IL2RA: variants seen among roughly 807,000 people sequenced by gnomAD.
The protein encoded by IL2RA is interleukin-2 receptor subunit alpha.
In IL2RA, 24 loss-of-function variants were observed where a neutral mutation model predicts 37.8. The ratio of observed to expected loss-of-function variants is 0.63; its 90% CI spans 0.46 to 0.89. The LOEUF (loss-of-function observed/expected upper bound fraction) is 0.89. Among genes scored for constraint, IL2RA ranks in the 40% least tolerant of loss-of-function variants. The pLI is 0.00. For synonymous variants in IL2RA, 125 were observed against 114.6 expected (o/e 1.09, Z -0.58); for missense variants, 319 against 348.6 (o/e 0.92, Z 0.68).
intron 1 of IL2RA, among the ~76,000 whole-genome samples, chr10:6,041,683 G>A (rs1839774517): frequency 6.6e-6 from 1 of 152,128 alleles, no homozygotes; most frequent in Non-Finnish European, 1.5e-5. Context: ...CCAAAGTCCT[G>A]CACAAGGTCT....
chr10:6,042,431 G>A (rs910021871), intron 1 of IL2RA, among the ~76,000 whole-genome samples: 1 of 151,962 alleles, frequency 6.6e-6, no homozygotes, highest in East Asian at 1.9e-4. Flanking sequence ...TAACATGTAC[G>A]TGATACCTTA....
At position 6,044,621 on chromosome 10, in the gene IL2RA, C is replaced by T. The variant is rs367961564; in HGVS notation, c.64+17467G>A. On this transcript the variant is annotated intron_variant, in intron 1 of 7. Coordinates refer to ENST00000379959, the MANE Select transcript of IL2RA (RefSeq NM_000417.3). The surrounding 1 kb of genome is among the most constrained non-coding windows in gnomAD (Gnocchi z 4.5). ...GTTTTTGCTAGTCCTCAATTTTGTC[C>T]GATGTCTGAGCCCTGCCTCGGGGGT... 6.0e-4 allele frequency among the ~76,000 whole-genome samples: 92 copies of T among 152,246 alleles called. No individual in the cohort carries two copies. Among genetic ancestry groups the T allele is most frequent in the Admixed American group, 1.8e-3 (27 of 15,294 alleles).
At position 6,012,702 on chromosome 10, in the gene IL2RA, G is replaced by A; in HGVS notation, c.*170C>T. 1 of 710,462 alleles carries A rather than the reference G, an allele frequency of 1.4e-6. No individual in the cohort carries two copies. Among genetic ancestry groups the A allele is most frequent in the Non-Finnish European group, 2.6e-6 (1 of 389,278 alleles). The allele number at this position is 710,462 out of a possible 1,614,324, so 44.0% of individuals were successfully genotyped here. On this transcript the variant is annotated 3_prime_UTR_variant, in exon 8 of 8. Transcript: ENST00000379959. This position sits in a 1 kb window ranked among gnomAD's most constrained non-coding sequence, Gnocchi z 4.8. The stretch of plus-strand genomic sequence containing the variant: ...GGGACTGAGCTGGCATAGAGACAAG[G>A]TTGCCACTGCCCCGTGTCCTGTGAT...
rs1040370568 is a variant in IL2RA, at chr10:6,025,697, G to A, written c.256+137C>T. 14 of 835,990 alleles carry A rather than the reference G, an allele frequency of 1.7e-5. No homozygotes were observed. Among genetic ancestry groups the A allele is most frequent in the Admixed American group, 6.4e-5 (3 of 46,616 alleles). The allele number at this position is 835,990 out of a possible 1,614,324, so 51.8% of individuals were successfully genotyped here. A position where few individuals can be genotyped will look rare whatever the true frequency, so the allele number is the denominator to read the frequency against. On this transcript the variant is annotated intron_variant, in intron 2 of 7. Transcript: ENST00000379959. This position sits in a 1 kb window ranked among gnomAD's most constrained non-coding sequence, Gnocchi z 4.4. The stretch of plus-strand genomic sequence containing the variant: ...ATTGTGTTTAGTGAATGACTTTTCA[G>A]GAACCACTAAAATTAGTTATCCTGT...
chr10:6,053,259 C>A lies in IL2RA; in HGVS notation c.64+8829G>T, dbSNP rs138628845. On this transcript the variant is annotated intron_variant, in intron 1 of 7. Transcript: ENST00000379959. ...TCCTCGTTGGGCTACATCAGGCAACCCATTTAATCTCTGTAAGCCCATTTA... is the reference window on the plus strand; with the variant it reads ...TCCTCGTTGGGCTACATCAGGCAACACATTTAATCTCTGTAAGCCCATTTA... Among the ~76,000 whole-genome samples, 96 of 152,304 alleles carry A rather than the reference C, an allele frequency of 6.3e-4. 2 individuals carry two copies. The highest frequency in any genetic ancestry group is 1.8e-3 in the African/African-American group (73 of 41,574).
rs1840085186 is a variant in IL2RA, at chr10:6,058,812, T to C, written c.64+3276A>G. Among the ~76,000 whole-genome samples the C allele has an allele frequency of 6.6e-6, 1 of 152,190 alleles. No homozygotes were observed. Among genetic ancestry groups the C allele is most frequent in the African/African-American group, 2.4e-5 (1 of 41,440 alleles). On this transcript the variant is annotated intron_variant, in intron 1 of 7. Transcript: ENST00000379959. The surrounding 1 kb of genome is among the most constrained non-coding windows in gnomAD (Gnocchi z 4.2). ...GAAAGGTGCCTTCAATAACGTGCCA[T>C]ATTGGTAATACCAGGAGAATTCTCT...
chr10:6,019,849 A>G (rs1311568623), intron 5 of IL2RA, 21 bp downstream of exon 5: 1 of 1,611,942 alleles, frequency 6.2e-7, no homozygotes, highest in Non-Finnish European at 8.5e-7. Context: ...TCTGTGGTCC[A>G]GCGTTTGTCT....
rs2132853623 is a variant in IL2RA, at chr10:6,021,536, T to C, written c.525A>G (p.Thr175=). ...ESVCKMTHGK[T]RWTQPQLICT... ...ATATGAGCTGGGGCTGGGTCCACCT[T>C]GTCTTCCCGTGGGTCATTTTGCAGA... Residue 175 remains threonine, a synonymous_variant, in exon 4 of 8, where the codon ACA becomes ACG. Coordinates refer to ENST00000379959, the MANE Select transcript of IL2RA (RefSeq NM_000417.3). This position sits in a 1 kb window ranked among gnomAD's most constrained non-coding sequence, Gnocchi z 4.9. 2.5e-6 allele frequency: 4 copies of C among 1,614,138 alleles called. No homozygotes were observed. Among genetic ancestry groups the C allele is most frequent in the Non-Finnish European group, 3.4e-6 (4 of 1,180,012 alleles).
Position 6,018,165 on chromosome 10 carries a change from A to C in IL2RA, c.728-46T>G. Reference sequence around the variant, plus strand: ...TTCAGCAAAGGGCCCTGGGCTTGGCATGGGGGCAGCAGGAGCCAGGGCCAC... The same window carrying C: ...TTCAGCAAAGGGCCCTGGGCTTGGCCTGGGGGCAGCAGGAGCCAGGGCCAC... On this transcript the variant is annotated intron_variant, in intron 6 of 7. Coordinates refer to ENST00000379959, the MANE Select transcript of IL2RA (RefSeq NM_000417.3). The surrounding 1 kb of genome is among the most constrained non-coding windows in gnomAD (Gnocchi z 5.1). 6.6e-7 allele frequency: 1 copy of C among 1,519,100 alleles called. No individual in the cohort carries two copies. Among genetic ancestry groups the C allele is most frequent in the Non-Finnish European group, 9.1e-7 (1 of 1,095,280 alleles). 94.1% of individuals were successfully genotyped at this position (1,519,100 alleles called of 1,614,324 possible). A position where few individuals can be genotyped will look rare whatever the true frequency, so the allele number is the denominator to read the frequency against.
chr10:6,059,561 G>A lies in IL2RA; in HGVS notation c.64+2527C>T, dbSNP rs76665316. Among the ~76,000 whole-genome samples, 663 of 152,232 alleles carry A rather than the reference G, an allele frequency of 4.4e-3. 3 individuals carry two copies. Among genetic ancestry groups the A allele is most frequent in the Non-Finnish European group, 7.6e-3 (516 of 68,012 alleles). Reference sequence around the variant, plus strand: ...ATTCTCTTTCTGACCACATCCCAGGGCCCAGCAATATACAGACTAAAAATG... The same window carrying A: ...ATTCTCTTTCTGACCACATCCCAGGACCCAGCAATATACAGACTAAAAATG... On this transcript the variant is annotated intron_variant, in intron 1 of 7. Transcript: ENST00000379959.
rs924172578 is a variant in IL2RA, at chr10:6,022,441, C to T, written c.368-748G>A. Among the ~76,000 whole-genome samples, 2 of 152,180 alleles carry T rather than the reference C, an allele frequency of 1.3e-5. No individual in the cohort carries two copies. The highest frequency in any genetic ancestry group is 1.5e-5 in the Non-Finnish European group (1 of 68,038). On this transcript the variant is annotated intron_variant, in intron 3 of 7. Transcript: ENST00000379959. The surrounding 1 kb of genome is among the most constrained non-coding windows in gnomAD (Gnocchi z 4.7). The stretch of plus-strand genomic sequence containing the variant: ...CTTGTTCTGATTAAATCTCTGAATT[C>T]CCCACCCACAGCCCCCAACCTGGAC...
In IL2RA at chr10:6,048,141, G is replaced by A. The variant is rs1263736497; in HGVS notation, c.64+13947C>T. On this transcript the variant is annotated intron_variant, in intron 1 of 7. Transcript: ENST00000379959. The surrounding 1 kb of genome is among the most constrained non-coding windows in gnomAD (Gnocchi z 5.3). ...CCTGACCCTCAACTGCCCTTGTCATGTGCCCGTCATGCATCACAGGAAGGC... is the reference window on the plus strand; with the variant it reads ...CCTGACCCTCAACTGCCCTTGTCATATGCCCGTCATGCATCACAGGAAGGC... Among the ~76,000 whole-genome samples the A allele has an allele frequency of 1.3e-5, 2 of 152,226 alleles. No homozygotes were observed. The highest frequency in any genetic ancestry group is 2.1e-4 in the South Asian group (1 of 4,834).
chr10:6,055,386 C>T (rs1443427320), intron 1 of IL2RA, among the ~76,000 whole-genome samples: 2 of 151,542 alleles, frequency 1.3e-5, no homozygotes, highest in Admixed American at 6.6e-5. Flanking sequence ...CCAGAGAGTC[C>T]GCTTAATTCA....
Position 6,060,282 on chromosome 10 carries a change from G to A in IL2RA, c.64+1806C>T, listed in dbSNP as rs1156861378. Among the ~76,000 whole-genome samples the A allele has an allele frequency of 2.0e-5, 3 of 152,128 alleles. No individual in the cohort carries two copies. In the East Asian group the frequency reaches 5.8e-4, roughly 29 times the overall value. The stretch of plus-strand genomic sequence containing the variant: ...AGGGGAAAGGGTGCGAGGTGGGTGA[G>A]GGAAAAGAGACTACGCACTGGGTAC... On this transcript the variant is annotated intron_variant, in intron 1 of 7. Coordinates refer to ENST00000379959, the MANE Select transcript of IL2RA (RefSeq NM_000417.3).
In IL2RA at chr10:6,025,769, C is replaced by A; in HGVS notation, c.256+65G>T. ...GTCTATAGGGCTGAGTGAACAAAAGCTGGGCTCTGTCTCACTCTTTGCTGC... is the reference window on the plus strand; with the variant it reads ...GTCTATAGGGCTGAGTGAACAAAAGATGGGCTCTGTCTCACTCTTTGCTGC... On this transcript the variant is annotated intron_variant, in intron 2 of 7. Transcript: ENST00000379959. This position sits in a 1 kb window ranked among gnomAD's most constrained non-coding sequence, Gnocchi z 4.4. 4 of 1,496,694 alleles carry A rather than the reference C, an allele frequency of 2.7e-6. No homozygotes were observed. Among genetic ancestry groups the A allele is most frequent in the Non-Finnish European group, 2.8e-6 (3 of 1,074,428 alleles). The allele number at this position is 1,496,694 out of a possible 1,614,324, so 92.7% of individuals were successfully genotyped here. A position where few individuals can be genotyped will look rare whatever the true frequency, so the allele number is the denominator to read the frequency against.
rs759063933 is a variant in IL2RA, at chr10:6,021,839, C to T, written c.368-146G>A. On this transcript the variant is annotated intron_variant, in intron 3 of 7. Transcript: ENST00000379959. This position sits in a 1 kb window ranked among gnomAD's most constrained non-coding sequence, Gnocchi z 4.9. ...TCATTCAACCAATATATGTTGAGAA[C>T]GTCTGAGCGTGGGGAAGTTTGCTAG... The T allele has an allele frequency of 7.8e-5, 56 of 714,858 alleles. No individual in the cohort carries two copies. Among genetic ancestry groups the T allele is most frequent in the Non-Finnish European group, 1.3e-4 (53 of 406,606 alleles). 44.3% of individuals were successfully genotyped at this position (714,858 alleles called of 1,614,324 possible).
At chr10:6,060,893 T>C (rs1191199577) in intron 1 of IL2RA, among the ~76,000 whole-genome samples, 2 of 152,192 alleles carry the variant, frequency 1.3e-5, no homozygotes, top group Non-Finnish European at 2.9e-5. Context: ...ACTCCTGAAA[T>C]GCATCATTAT....
Position 6,018,033 on chromosome 10 carries a change from C to G in IL2RA, c.794+20G>C. 6.2e-7 allele frequency: 1 copy of G among 1,610,930 alleles called. No individual in the cohort carries two copies. The highest frequency in any genetic ancestry group is 8.5e-7 in the Non-Finnish European group (1 of 1,177,596). Reference sequence around the variant, plus strand: ...GGACTTTGATCTGACCAAGGGCTGCCTTGGTGATGCCACACTTACTGTCTC... The same window carrying G: ...GGACTTTGATCTGACCAAGGGCTGCGTTGGTGATGCCACACTTACTGTCTC... On this transcript the variant is annotated intron_variant, in intron 7 of 7. Coordinates refer to ENST00000379959, the MANE Select transcript of IL2RA (RefSeq NM_000417.3). This position sits in a 1 kb window ranked among gnomAD's most constrained non-coding sequence, Gnocchi z 5.1.
rs113428577 is a variant in IL2RA at position 6,018,091 on chromosome 10, G to A, written c.756C>T (p.Ser252=). The A allele has an allele frequency of 5.6e-5, 90 of 1,613,926 alleles. No homozygotes were observed. Among genetic ancestry groups the A allele is most frequent in the South Asian group, 5.2e-4 (47 of 91,056 alleles). The stretch of plus-strand genomic sequence containing the variant: ...AGGTGAGCCCACTCAGGAGGAGGAC[G>A]CTGATCAGCAGGAAAACACAGCCGG... ...AVAGCVFLLI[S]VLLLSGLTWQ... Residue 252 remains serine (S), a synonymous_variant, in exon 7 of 8, where the codon AGC becomes AGT. Transcript: ENST00000379959. This position sits in a 1 kb window ranked among gnomAD's most constrained non-coding sequence, Gnocchi z 5.1.
Sources: gnomAD v4.1 joint callset for allele counts (sites outside exome capture counted in the v4.1 genomes callset) on GRCh38, gnomAD v4.1.1 for gene constraint, Gnocchi (gnomAD v3.1) non-coding constraint, MANE v1.5 for transcripts, NCBI Gene and HGNC (gene_info 2026-07-23, HGNC 2026-07-21) for gene names.